Variants in ZFR2 observed in about 807,000 individuals in gnomAD.
The protein encoded by ZFR2 is zinc finger RNA-binding protein 2.
A neutral mutation model predicts 105.7 loss-of-function variants in ZFR2; 104 were observed. That is an observed-to-expected ratio of 0.98 (90% CI 0.84 to 1.16). The LOEUF is 1.16. ZFR2 is among the 50% of genes most tolerant of loss of function. The pLI is 0.00. For synonymous variants in ZFR2, 634 were observed against 597.7 expected (o/e 1.06, Z -0.89); for missense variants, 1,425 against 1,355.5 (o/e 1.05, Z -0.80).
chr19:3,823,540 G>T lies in ZFR2; in HGVS notation c.1214-137C>A. The T allele has an allele frequency of 1.1e-6, 1 of 907,384 alleles. No individual in the cohort carries two copies. Among genetic ancestry groups the T allele is most frequent in the Non-Finnish European group, 1.6e-6 (1 of 617,746 alleles). 56.2% of individuals were successfully genotyped at this position (907,384 alleles called of 1,614,324 possible). ...CCCCCTCCCTCCTGTGATGTCAGGG[G>T]GAATGGCCCCGGACAGCAACCTCGC... is the stretch of plus-strand genomic sequence containing the variant. On this transcript the variant is annotated intron_variant, in intron 7 of 18. Coordinates refer to ENST00000262961, the MANE Select transcript of ZFR2 (RefSeq NM_015174.2). This position sits in a 1 kb window ranked among gnomAD's most constrained non-coding sequence, Gnocchi z 5.4.
At chr19:3,830,322 C>G (rs1259774848) in intron 5 of ZFR2, among the ~76,000 whole-genome samples, 2 of 152,066 alleles carry the variant, frequency 1.3e-5, no homozygotes, top group Non-Finnish European at 2.9e-5. Flanking sequence ...GTACCTGTCT[C>G]AGCTACTTGG....
At chr19:3,811,775 T>C (rs1477311648) in intron 14 of ZFR2, among the ~76,000 whole-genome samples, 1 of 150,732 alleles carries the variant, frequency 6.6e-6, no homozygotes. Context: ...TTTTTACGTA[T>C]TTAGAGACAG....
intron 3 of ZFR2, 43 bp downstream of exon 3, chr19:3,833,621 G>T: frequency 6.9e-7 from 1 of 1,439,446 alleles, no homozygotes; most frequent in South Asian, 1.2e-5. Flanking sequence ...GTGCTGCGGG[G>T]AGCGTCTCCT....
chr19:3,855,892 G>C (rs2038293126), intron 1 of ZFR2, among the ~76,000 whole-genome samples: 1 of 152,186 alleles, frequency 6.6e-6, no homozygotes, highest in African/African-American at 2.4e-5. Flanking sequence ...AGGGGGCAGA[G>C]GACACCATGA....
At chr19:3,821,030 G>A (rs560425500) in intron 10 of ZFR2, among the ~76,000 whole-genome samples, 45 of 151,302 alleles carry the variant, frequency 3.0e-4, no homozygotes, top group African/African-American at 1.0e-3. Context: ...ACCGGGGGTC[G>A]GGGGACACAG....
At chr19:3,864,374 TCA>T (rs1491537585) in intron 1 of ZFR2, among the ~76,000 whole-genome samples, 4 of 144,136 alleles carry the variant, frequency 2.8e-5, no homozygotes, top group Admixed American at 2.2e-4. Flanking sequence ...AGATCCTGTC[TCA>T]CAAACAAACA....
At chr19:3,843,169 CG>C (rs543780808) in intron 1 of ZFR2, among the ~76,000 whole-genome samples, 6 of 152,194 alleles carry the variant, frequency 3.9e-5, no homozygotes, top group Non-Finnish European at 5.9e-5. Context: ...GCAACCCAAC[CG>C]TCCATCAGTG....
rs555271652 is a variant in ZFR2 at position 3,813,554 on chromosome 19, TGACA to T, written c.2242+262_2242+265del. Among the ~76,000 whole-genome samples the T allele has an allele frequency of 6.6e-4, 101 of 152,022 alleles. No homozygotes were observed. In the East Asian group the frequency reaches 0.015, roughly 22 times the overall value. On this transcript the variant is annotated intron_variant, in intron 14 of 18. Coordinates refer to ENST00000262961, the MANE Select transcript of ZFR2 (RefSeq NM_015174.2). The surrounding 1 kb of genome is among the most constrained non-coding windows in gnomAD (Gnocchi z 4.4). ...CAGCCCTGGGTAAGGGCAAGGGAGG[TGACA>T]CGGTGTCGCTTGCCCGAGCAAGGCC... is the stretch of plus-strand genomic sequence containing the variant.
intron 17 of ZFR2, among the ~76,000 whole-genome samples, chr19:3,807,585 G>C (rs958829341): frequency 6.7e-6 from 1 of 148,422 alleles, no homozygotes; most frequent in South Asian, 2.1e-4. Context: ...CCATGTGCAC[G>C]TGTGTGTCCG....
At chr19:3,860,365 A>G (rs797006723) in intron 1 of ZFR2, among the ~76,000 whole-genome samples, 7 of 152,090 alleles carry the variant, frequency 4.6e-5, no homozygotes, top group African/African-American at 1.7e-4. Flanking sequence ...CCCCAGGCTC[A>G]CTTTCAAACC....
Position 3,813,381 on chromosome 19 carries a change from G to A in ZFR2, c.2242+439C>T, listed in dbSNP as rs1017833985. ...TGGCAGGTCTGGCTTTAAGACCCCCGATTCCCTACATTCCTAATCAGTGGC... is the reference window on the plus strand; with the variant it reads ...TGGCAGGTCTGGCTTTAAGACCCCCAATTCCCTACATTCCTAATCAGTGGC... On this transcript the variant is annotated intron_variant, in intron 14 of 18. Coordinates refer to ENST00000262961, the MANE Select transcript of ZFR2 (RefSeq NM_015174.2). This position sits in a 1 kb window ranked among gnomAD's most constrained non-coding sequence, Gnocchi z 4.4. Among the ~76,000 whole-genome samples, 22 of 152,064 alleles carry A rather than the reference G, an allele frequency of 1.4e-4. No homozygotes were observed. In the East Asian group the frequency reaches 1.5e-3, roughly 11 times the overall value.
At chr19:3,807,077 G>T in intron 18 of ZFR2, 95 bp downstream of exon 18, 1 of 936,506 alleles carries the variant, frequency 1.1e-6, no homozygotes, top group Non-Finnish European at 1.6e-6. Flanking sequence ...GGGAGGGAGA[G>T]AAGGGGAAAC....
chr19:3,858,244 G>A lies in ZFR2; in HGVS notation c.53+10721C>T, dbSNP rs193226649. Among the ~76,000 whole-genome samples the A allele has an allele frequency of 1.1e-3, 175 of 152,242 alleles. 3 individuals are homozygous for A. The highest frequency in any genetic ancestry group is 9.8e-4 in the Non-Finnish European group (67 of 68,034). ...GTAGGGCCATGCTCTTGCTTGCTCC[G>A]AAGAGACGGAGCAGGCTTAGGTGTG... On this transcript the variant is annotated intron_variant, in intron 1 of 18. Transcript: ENST00000262961. This position sits in a 1 kb window ranked among gnomAD's most constrained non-coding sequence, Gnocchi z 4.3.
chr19:3,822,397 C>T (rs1376214452), intron 8 of ZFR2, among the ~76,000 whole-genome samples, 197 bp from the exon 9 acceptor site: 3 of 151,778 alleles, frequency 2.0e-5, no homozygotes, highest in Non-Finnish European at 4.4e-5. Flanking sequence ...ACTGCAGCCT[C>T]AAACTCCTGG....
At position 3,823,626 on chromosome 19, in the gene ZFR2, G is replaced by A. The variant is rs1033467187; in HGVS notation, c.1214-223C>T. ...AACCGAGGCCAATTTCAATCCATCC[G>A]GGGAGAAGCCCTGGTTTTAGGCCCT... is the stretch of plus-strand genomic sequence containing the variant. On this transcript the variant is annotated intron_variant, in intron 7 of 18. Coordinates refer to ENST00000262961, the MANE Select transcript of ZFR2 (RefSeq NM_015174.2). This position sits in a 1 kb window ranked among gnomAD's most constrained non-coding sequence, Gnocchi z 5.4. Among the ~76,000 whole-genome samples the A allele has an allele frequency of 1.3e-5, 2 of 152,086 alleles. No individual in the cohort carries two copies. Among genetic ancestry groups the A allele is most frequent in the African/African-American group, 2.4e-5 (1 of 41,428 alleles).
chr19:3,812,668 C>T (rs756622573), intron 14 of ZFR2, among the ~76,000 whole-genome samples: 1 of 152,144 alleles, frequency 6.6e-6, no homozygotes, highest in Non-Finnish European at 1.5e-5. Context: ...CCAAAAGCCA[C>T]TCTCTTCCCC....
At chr19:3,812,457 C>T (rs1293452506) in intron 14 of ZFR2, among the ~76,000 whole-genome samples, 1 of 152,084 alleles carries the variant, frequency 6.6e-6, no homozygotes, top group Non-Finnish European at 1.5e-5. Context: ...AAAAGGCCGA[C>T]AGGAAGTGCA....
Position 3,823,820 on chromosome 19 carries a change from C to T in ZFR2, c.1214-417G>A, listed in dbSNP as rs2037921981. ...GACTTGATGGTTTGATCTTCAAAAT[C>T]ATGTTGCTATTCAAGAATCAACGCT... On this transcript the variant is annotated intron_variant, in intron 7 of 18. Coordinates refer to ENST00000262961, the MANE Select transcript of ZFR2 (RefSeq NM_015174.2). This position sits in a 1 kb window ranked among gnomAD's most constrained non-coding sequence, Gnocchi z 5.4. 6.6e-6 allele frequency among the ~76,000 whole-genome samples: 1 copy of T among 152,206 alleles called. No individual in the cohort carries two copies. The highest frequency in any genetic ancestry group is 6.5e-5 in the Admixed American group (1 of 15,272).
rs1488936224 is a variant in ZFR2, at chr19:3,805,867, G to A, written c.*82C>T. 3.6e-6 allele frequency: 5 copies of A among 1,385,412 alleles called. No individual in the cohort carries two copies. Among genetic ancestry groups the A allele is most frequent in the Non-Finnish European group, 4.7e-6 (5 of 1,058,938 alleles). The allele number at this position is 1,385,412 out of a possible 1,614,324, so 85.8% of individuals were successfully genotyped here. On this transcript the variant is annotated 3_prime_UTR_variant, in exon 19 of 19. Coordinates refer to ENST00000262961, the MANE Select transcript of ZFR2 (RefSeq NM_015174.2). ...AGGAAATGACCATTGTCCAACGTCG[G>A]GGATGAAGCAGCCATTGGTCGGCGC...
Sources: gnomAD v4.1 joint callset for allele counts (sites outside exome capture counted in the v4.1 genomes callset) on GRCh38, gnomAD v4.1.1 for gene constraint, Gnocchi (gnomAD v3.1) non-coding constraint, MANE v1.5 for transcripts, NCBI Gene and HGNC (gene_info 2026-07-23, HGNC 2026-07-21) for gene names.